PKNOX2: variants seen among roughly 807,000 people sequenced by gnomAD.
The protein encoded by PKNOX2 is PBX/knotted 1 homeobox 2.
In PKNOX2, 14 loss-of-function variants were observed where a neutral mutation model predicts 53.1. That is an observed-to-expected ratio of 0.26 (90% confidence interval 0.17 to 0.41). PKNOX2 has a LOEUF of 0.41. PKNOX2 is among the 10% of genes least tolerant of loss of function. PKNOX2 has a pLI of 1.00. For synonymous variants in PKNOX2, 257 were observed against 242.8 expected (o/e 1.06, Z -0.54); for missense variants, 496 against 602.8 (o/e 0.82, Z 1.85).
rs538412919 is a variant in PKNOX2, at chr11:125,272,308, A to G, written c.-130+37193A>G. 4.5e-4 allele frequency among the ~76,000 whole-genome samples: 69 copies of G among 152,298 alleles called. 2 individuals carry two copies. The highest frequency in any genetic ancestry group is 1.6e-3 in the African/African-American group (67 of 41,566). ...TCGCTGGTGGAATGTCTGGCTCTCGATGAATCATGATAAATGGCATCTGTG... is the reference window on the plus strand; with the variant it reads ...TCGCTGGTGGAATGTCTGGCTCTCGGTGAATCATGATAAATGGCATCTGTG... On this transcript the variant is annotated intron_variant, in intron 2 of 12. Transcript: ENST00000298282.
At chr11:125,350,249 C>T (rs552951627) in intron 3 of PKNOX2, among the ~76,000 whole-genome samples, 1 of 152,338 alleles carries the variant, frequency 6.6e-6, no homozygotes, top group East Asian at 1.9e-4. Flanking sequence ...GGTGGCACAG[C>T]CGGGCTGTCT....
At chr11:125,357,892 T>A (rs538489179) in intron 4 of PKNOX2, among the ~76,000 whole-genome samples, 3 of 152,354 alleles carry the variant, frequency 2.0e-5, no homozygotes, top group Non-Finnish European at 2.9e-5. Flanking sequence ...CATCCACTTA[T>A]CCATTCGATA....
At chr11:125,327,076 G>T (rs532518129) in intron 2 of PKNOX2, among the ~76,000 whole-genome samples, 1 of 152,334 alleles carries the variant, frequency 6.6e-6, no homozygotes, top group South Asian at 2.1e-4. Context: ...AAAGCTTGGT[G>T]TTTTATGCTC....
chr11:125,355,591 C>T (rs998383101), intron 4 of PKNOX2, among the ~76,000 whole-genome samples: 6 of 152,156 alleles, frequency 3.9e-5, no homozygotes, highest in East Asian at 1.9e-4. Flanking sequence ...CAGTTCAGTG[C>T]GTTGTGTTGA....
At chr11:125,346,068 T>C (rs1950953889) in intron 3 of PKNOX2, among the ~76,000 whole-genome samples, 1 of 151,892 alleles carries the variant, frequency 6.6e-6, no homozygotes, top group Admixed American at 6.6e-5. Context: ...CCAGCCAGGT[T>C]ACTAATGCAG....
intron 2 of PKNOX2, among the ~76,000 whole-genome samples, chr11:125,317,436 A>C (rs1455562279): frequency 6.6e-6 from 1 of 152,218 alleles, no homozygotes; most frequent in Non-Finnish European, 1.5e-5. Flanking sequence ...AACAAAATGT[A>C]CTCTTAAATA....
chr11:125,308,149 T>G (rs1466601160), intron 2 of PKNOX2, among the ~76,000 whole-genome samples: 1 of 152,218 alleles, frequency 6.6e-6, no homozygotes, highest in African/African-American at 2.4e-5. Context: ...CCCTGGCCAC[T>G]GGGATGGCCT....
intron 1 of PKNOX2, among the ~76,000 whole-genome samples, chr11:125,227,260 T>C (rs1222738899): frequency 6.6e-6 from 1 of 152,120 alleles, no homozygotes; most frequent in Non-Finnish European, 1.5e-5. Flanking sequence ...TGCCTTGGTG[T>C]TTGATGACAT....
At position 125,357,940 on chromosome 11, in the gene PKNOX2, G is replaced by A. The variant is rs78402848; in HGVS notation, c.87+6548G>A. On this transcript the variant is annotated intron_variant, in intron 4 of 12. Transcript: ENST00000298282. ...GTCCTGTGGGCCATGCGGACATTGT[G>A]CTGTGTACTGGGGTGCAAAATCAAC... Among the ~76,000 whole-genome samples the A allele has an allele frequency of 8.7e-4, 133 of 152,316 alleles. 3 individuals carry two copies. In the East Asian group the frequency reaches 0.025, roughly 29 times the overall value.
chr11:125,337,698 A>G (rs1451606846), intron 3 of PKNOX2, among the ~76,000 whole-genome samples: 1 of 151,728 alleles, frequency 6.6e-6, no homozygotes, highest in East Asian at 1.9e-4. Flanking sequence ...GGAAATCTCC[A>G]TTTTGCTACG....
chr11:125,178,746 A>AAGAG (rs1461120939), intron 1 of PKNOX2, among the ~76,000 whole-genome samples: 2 of 150,774 alleles, frequency 1.3e-5, no homozygotes, highest in Admixed American at 6.6e-5. Context: ...GAAAGGAAGA[A>AAGAG]AGAGAGAGGA....
chr11:125,364,461 C>T (rs1178061951), intron 4 of PKNOX2, among the ~76,000 whole-genome samples: 1 of 152,192 alleles, frequency 6.6e-6, no homozygotes, highest in Non-Finnish European at 1.5e-5. Context: ...TCCCCCCACA[C>T]CTTTCCCCAA....
chr11:125,282,842 G>T (rs989915626), intron 2 of PKNOX2, among the ~76,000 whole-genome samples: 5 of 152,198 alleles, frequency 3.3e-5, no homozygotes, highest in African/African-American at 1.2e-4. Flanking sequence ...CTGAAGGAAT[G>T]AATTTTACAT....
chr11:125,282,458 C>T (rs1400131326), intron 2 of PKNOX2, among the ~76,000 whole-genome samples: 1 of 152,146 alleles, frequency 6.6e-6, no homozygotes, highest in African/African-American at 2.4e-5. Context: ...TCTGAGTCAC[C>T]TGGAGGGCTT....
chr11:125,408,374 G>A (rs902991295), intron 7 of PKNOX2, among the ~76,000 whole-genome samples: 1 of 152,228 alleles, frequency 6.6e-6, no homozygotes, highest in African/African-American at 2.4e-5. Context: ...CCCAGGAAGG[G>A]GAAGCCAAGG....
intron 3 of PKNOX2, among the ~76,000 whole-genome samples, chr11:125,345,384 A>T (rs1361820680): frequency 6.6e-6 from 1 of 151,594 alleles, no homozygotes; most frequent in African/African-American, 2.4e-5. Context: ...CTCCTCTGCC[A>T]CCACAAATTG....
At chr11:125,295,755 C>A (rs1947617737) in intron 2 of PKNOX2, among the ~76,000 whole-genome samples, 1 of 152,210 alleles carries the variant, frequency 6.6e-6, no homozygotes, top group Admixed American at 6.5e-5. Flanking sequence ...CTCGCATGGA[C>A]TGCCCCCATC....
At chr11:125,405,465 C>T (rs955550911) in intron 7 of PKNOX2, among the ~76,000 whole-genome samples, 2 of 151,930 alleles carry the variant, frequency 1.3e-5, no homozygotes, top group Non-Finnish European at 2.9e-5. Flanking sequence ...CCTGGGCTGA[C>T]GTGAGACCGC....
At chr11:125,390,000 G>A (rs920096631) in intron 6 of PKNOX2, among the ~76,000 whole-genome samples, 8 of 152,144 alleles carry the variant, frequency 5.3e-5, no homozygotes, top group South Asian at 2.1e-4. Context: ...AGAGCTCTGG[G>A]CCCAGAGGCC....
Sources: gnomAD v4.1 joint callset for allele counts (sites outside exome capture counted in the v4.1 genomes callset) on GRCh38, gnomAD v4.1.1 for gene constraint, MANE v1.5 for transcripts, NCBI Gene and HGNC (gene_info 2026-07-23, HGNC 2026-07-21) for gene names.